Variants in ERBIN observed in about 807,000 individuals in gnomAD.
ERBIN encodes the protein densin-180-like protein.
A neutral mutation model predicts 158.4 loss-of-function variants in ERBIN; 60 were observed. That is an observed-to-expected ratio of 0.38 (90% CI 0.31 to 0.47). The LOEUF is 0.47. ERBIN is among the 20% of genes least tolerant of loss of function. The pLI is 0.99. For missense variants in ERBIN, 1,610 were observed against 1,648.0 expected, an observed-to-expected ratio of 0.98 and a Z score of 0.40; for synonymous variants, 594 against 557.2, an observed-to-expected ratio of 1.07 and a Z score of -0.93.
At chr5:65,956,257 G>C (rs1370343249) in intron 1 of ERBIN, among the ~76,000 whole-genome samples, 1 of 151,880 alleles carries the variant, frequency 6.6e-6, no homozygotes, top group African/African-American at 2.4e-5. Context: ...GTGTGGGTGT[G>C]TGGTGGTAGT....
intron 21 of ERBIN, among the ~76,000 whole-genome samples, chr5:66,061,961 C>T (rs1184837370): frequency 6.6e-6 from 1 of 152,244 alleles, no homozygotes; most frequent in East Asian, 1.9e-4. Flanking sequence ...ACCTTTCTCT[C>T]TGGCTGCCCT....
At chr5:65,965,379 G>GTTTTTTTTTTTTTTTTTTTTT (rs1561304820) in intron 1 of ERBIN, among the ~76,000 whole-genome samples, 2 of 103,666 alleles carry the variant, frequency 1.9e-5, no homozygotes, top group East Asian at 4.8e-4. Context: ...TTTGTTTTTT[G>GTTTTTTTTTTTTTTTTTTTTT]TTGTTTTTTT....
chr5:66,025,982 T>G lies in ERBIN; in HGVS notation c.1020+5T>G, dbSNP rs201316528. 7 of 1,577,592 alleles carry G rather than the reference T, an allele frequency of 4.4e-6. No individual in the cohort carries two copies. The highest frequency in any genetic ancestry group is 6.0e-6 in the Non-Finnish European group (7 of 1,166,986). ...TTACAGCAGTTGCCCCCAGAGGTAA[T>G]GTATTTTAGATTTGTTTAGATTTTT... is the stretch of plus-strand genomic sequence containing the variant. On this transcript the variant is annotated splice_donor_5th_base_variant and intron_variant, in intron 12 of 25. Coordinates refer to ENST00000284037, the MANE Select transcript of ERBIN (RefSeq NM_001253697.2).
chr5:66,062,308 A>C (rs1245204069), intron 21 of ERBIN, among the ~76,000 whole-genome samples: 2 of 152,086 alleles, frequency 1.3e-5, no homozygotes, highest in East Asian at 3.9e-4. Flanking sequence ...TCCATCGCTG[A>C]TACCCTTTCT....
intron 7 of ERBIN, among the ~76,000 whole-genome samples, chr5:66,018,444 ATAATATATAT>A (rs1376444425): frequency 3.5e-5 from 2 of 57,904 alleles, no homozygotes; most frequent in African/African-American, 1.5e-4. Context: ...TATATATAAT[ATAATATATAT>A]TATATTATAT....
chr5:66,039,070 T>A (rs1757688287), intron 15 of ERBIN, among the ~76,000 whole-genome samples: 1 of 151,714 alleles, frequency 6.6e-6, no homozygotes, highest in Non-Finnish European at 1.5e-5. Context: ...TTAAAGTAAC[T>A]ATTTTTTATG....
chr5:66,050,817 A>G lies in ERBIN; in HGVS notation c.1938A>G (p.Glu646=), dbSNP rs772477033. 7 of 1,576,196 alleles carry G rather than the reference A, an allele frequency of 4.4e-6. No individual in the cohort carries two copies. The highest frequency in any genetic ancestry group is 4.0e-5 in the Admixed American group (2 of 50,388). The change falls in exon 20 of 26, where the codon GAA becomes GAG. Residue 646 remains glutamate, a synonymous_variant. Transcript: ENST00000284037. The part of the protein sequence containing the change: ...DTKETDSLSD[E]VTHNSNQNNS... ...AGGAAACAGATTCTTTATCAGATGA[A>G]GTTACACACAATAGCAATCAGAATA...
intron 1 of ERBIN, among the ~76,000 whole-genome samples, chr5:65,940,423 T>G (rs1468818556): frequency 4.9e-4 from 49 of 99,110 alleles, no homozygotes; most frequent in South Asian, 1.5e-3. Flanking sequence ...GGTGGGGGGG[T>G]CAGCCCCCCG....
At chr5:65,960,351 G>T (rs1483513904) in intron 1 of ERBIN, among the ~76,000 whole-genome samples, 1 of 152,156 alleles carries the variant, frequency 6.6e-6, no homozygotes, top group Admixed American at 6.5e-5. Flanking sequence ...CTGGATGTGG[G>T]GCAGGAGGGT....
chr5:66,076,087 T>A, intron 23 of ERBIN: 2 of 482,536 alleles, frequency 4.1e-6, no homozygotes, highest in South Asian at 5.7e-5. Context: ...AGACAAGCAA[T>A]AAAATTAGGA....
intron 2 of ERBIN, among the ~76,000 whole-genome samples, chr5:65,990,342 TAA>T (rs1374510280): frequency 6.6e-6 from 1 of 152,178 alleles, no homozygotes; most frequent in Non-Finnish European, 1.5e-5. Flanking sequence ...ATAGTTTATC[TAA>T]AGAACTTAGC....
intron 11 of ERBIN, 140 bp downstream of exon 11, chr5:66,025,692 A>G (rs1756169724): frequency 5.8e-6 from 5 of 866,034 alleles, no homozygotes; most frequent in Non-Finnish European, 7.2e-6. Flanking sequence ...GAGTGTGTTT[A>G]TGATAGACAA....
chr5:65,951,391 A>G (rs952724655), intron 1 of ERBIN, among the ~76,000 whole-genome samples: 1 of 152,206 alleles, frequency 6.6e-6, no homozygotes. Context: ...AATAAGTATT[A>G]TGTGAATGAA....
At position 65,994,799 on chromosome 5, in the gene ERBIN, TAAC is replaced by T. The variant is rs1257833777; in HGVS notation, c.246_248del (p.Thr83del). The T allele has an allele frequency of 6.2e-7, 1 of 1,609,340 alleles. No individual in the cohort carries two copies. The highest frequency in any genetic ancestry group is 8.5e-7 in the Non-Finnish European group (1 of 1,178,708). On this transcript the variant is annotated inframe_deletion, in exon 4 of 26. Coordinates refer to ENST00000284037, the MANE Select transcript of ERBIN (RefSeq NM_001253697.2). ...AAACTGAGTTTGCCAGACAATGATT[TAAC>T]AACGTTACCAGCATCCATTGCAAAC...
At chr5:66,039,386 C>T (rs1415415704) in intron 15 of ERBIN, among the ~76,000 whole-genome samples, 2 of 151,806 alleles carry the variant, frequency 1.3e-5, no homozygotes, top group Non-Finnish European at 2.9e-5. Context: ...TGTAAAAGAA[C>T]AATTATCTAG....
chr5:65,992,321 T>G (rs1233560336), intron 2 of ERBIN, among the ~76,000 whole-genome samples: 1 of 152,110 alleles, frequency 6.6e-6, no homozygotes, highest in Non-Finnish European at 1.5e-5. Context: ...GCTAATTTTT[T>G]GTATTTTTAG....
At chr5:66,064,515 GAT>G (rs1760790979) in intron 21 of ERBIN, among the ~76,000 whole-genome samples, 1 of 152,118 alleles carries the variant, frequency 6.6e-6, no homozygotes, top group South Asian at 2.1e-4. Flanking sequence ...TTCCCAGGAT[GAT>G]ATGTGTTACG....
At chr5:66,052,405 T>C (rs1408932496) in intron 20 of ERBIN, among the ~76,000 whole-genome samples, 1 of 152,178 alleles carries the variant, frequency 6.6e-6, no homozygotes, top group Non-Finnish European at 1.5e-5. Flanking sequence ...AATCAATCAT[T>C]TATTTCTATT....
rs374040679 is a variant in ERBIN at position 66,076,864 on chromosome 5, T to G, written c.4057-11T>G. 6.3e-7 allele frequency: 1 copy of G among 1,589,884 alleles called. No individual in the cohort carries two copies. The highest frequency in any genetic ancestry group is 8.6e-7 in the Non-Finnish European group (1 of 1,164,022). On this transcript the variant is annotated splice_polypyrimidine_tract_variant and intron_variant, in intron 24 of 25. Coordinates refer to ENST00000284037, the MANE Select transcript of ERBIN (RefSeq NM_001253697.2). Reference sequence around the variant, plus strand: ...CTGTTTTTAGTTAAATAATTTTTTTTGTTGTTAAAGGGTATATTTGTAACA... The same window carrying G: ...CTGTTTTTAGTTAAATAATTTTTTTGGTTGTTAAAGGGTATATTTGTAACA...
Sources: gnomAD v4.1 joint callset for allele counts (sites outside exome capture counted in the v4.1 genomes callset) on GRCh38, gnomAD v4.1.1 for gene constraint, MANE v1.5 for transcripts, NCBI Gene and HGNC (gene_info 2026-07-23, HGNC 2026-07-21) for gene names.